RPGRIP1: variants seen among roughly 807,000 people sequenced by gnomAD.
RPGRIP1 encodes X-linked retinitis pigmentosa GTPase regulator-interacting protein 1.
Under a neutral mutation model 157.9 loss-of-function variants are expected in RPGRIP1, and 128 were observed. The ratio of observed to expected loss-of-function variants is 0.81; its 90% CI spans 0.70 to 0.94. RPGRIP1 has a LOEUF of 0.94. RPGRIP1 is among the 40% of genes least tolerant of loss of function. The pLI, the probability that RPGRIP1 is intolerant of heterozygous loss-of-function variation, is 0.00. For synonymous variants in RPGRIP1, 554 were observed against 571.6 expected (o/e 0.97, Z 0.44); for missense variants, 1,486 against 1,545.8 (o/e 0.96, Z 0.65).
At position 21,302,578 on chromosome 14, in the gene RPGRIP1, G is replaced by C; in HGVS notation, c.581G>C (p.Ser194Thr). 1 of 1,554,966 alleles carries C rather than the reference G, an allele frequency of 6.4e-7. No individual in the cohort carries two copies. The highest frequency in any genetic ancestry group is 1.2e-5 in the South Asian group (1 of 83,120). The part of the protein sequence containing the change: ...ENRGEVASKP[S>T]ELVSGSNSII... ...AGAGGTGAAGTAGCCAGTAAACCCA[G>C]TGAACTGTGAGTTCTTCTCATTTAT... The change falls in exon 5 of 25, where the codon AGT becomes ACT. Residue 194 changes from serine (S) to threonine (T), a missense_variant. Coordinates refer to ENST00000400017, the MANE Select transcript of RPGRIP1 (RefSeq NM_020366.4).
chr14:21,300,860 T>A (rs2139156179), intron 3 of RPGRIP1, 106 bp from the exon 4 acceptor site: 1 of 1,294,704 alleles, frequency 7.7e-7, no homozygotes, highest in East Asian at 2.3e-5. Flanking sequence ...TAGATCACGG[T>A]AGATGAATAC....
intron 7 of RPGRIP1, among the ~76,000 whole-genome samples, chr14:21,308,442 G>GA (rs1276567017): frequency 6.6e-5 from 7 of 105,904 alleles, no homozygotes; most frequent in Non-Finnish European, 1.0e-4. Context: ...GGGTAAGTAA[G>GA]AAAAAACTGC....
rs1218341055 is a variant in RPGRIP1, at chr14:21,301,278, G to T, written c.490+41G>T. The T allele has an allele frequency of 1.9e-6, 3 of 1,548,240 alleles. No homozygotes were observed. The East Asian group carries it at 7.3e-5, about 38-fold the overall frequency. ...ACATCCCCTACAGGGCTAAGACACT[G>T]GGAAGGACTGATGTGCCAGCCACGT... On this transcript the variant is annotated intron_variant, in intron 4 of 24. Coordinates refer to ENST00000400017, the MANE Select transcript of RPGRIP1 (RefSeq NM_020366.4).
At chr14:21,308,878 A>T (rs982123383) in intron 7 of RPGRIP1, among the ~76,000 whole-genome samples, 4 of 152,086 alleles carry the variant, frequency 2.6e-5, no homozygotes, top group Non-Finnish European at 5.9e-5. Flanking sequence ...TGTGGAAAAA[A>T]CTGGCCCTCC....
At chr14:21,298,456 C>T (rs944081420) in intron 3 of RPGRIP1, among the ~76,000 whole-genome samples, 5 of 151,648 alleles carry the variant, frequency 3.3e-5, no homozygotes, top group East Asian at 2.0e-4. Context: ...GCAAGGATTG[C>T]GCCACTGCAC....
rs1883024842 is a variant in RPGRIP1, at chr14:21,325,823, C to G, written c.2368-8C>G. The G allele has an allele frequency of 6.2e-7, 1 of 1,602,338 alleles. No homozygotes were observed. On this transcript the variant is annotated splice_polypyrimidine_tract_variant and splice_region_variant and intron_variant, in intron 16 of 24. Transcript: ENST00000400017. ...CTTTTCCTCAATCCATGACCAACAT[C>G]TTTCCAGTTCAGATCGGAGTCTTGG...
intron 5 of RPGRIP1, 101 bp from the exon 6 acceptor site, chr14:21,303,230 T>G (rs1881115564): frequency 2.6e-6 from 2 of 771,482 alleles, no homozygotes. Flanking sequence ...TTCCTCGACA[T>G]GTACCAAGGT....
intron 22 of RPGRIP1, 82 bp from the exon 23 acceptor site, chr14:21,345,031 A>G (rs1885422340): frequency 1.1e-6 from 1 of 879,764 alleles, no homozygotes; most frequent in South Asian, 1.4e-5. Context: ...GAAAACTACC[A>G]TGAATACCAC....
At chr14:21,325,469 G>A (rs752131638) in intron 16 of RPGRIP1, 86 bp downstream of exon 16, 2 of 1,258,332 alleles carry the variant, frequency 1.6e-6, no homozygotes, top group Non-Finnish European at 2.2e-6. Context: ...CTCTCAATAA[G>A]TGTTTGTTGA....
intron 19 of RPGRIP1, among the ~76,000 whole-genome samples, chr14:21,329,479 A>G (rs948860924): frequency 6.6e-6 from 1 of 151,274 alleles, no homozygotes; most frequent in Admixed American, 6.6e-5. Flanking sequence ...TTTTAATACT[A>G]TATATATTTT....
intron 22 of RPGRIP1, among the ~76,000 whole-genome samples, chr14:21,343,582 C>T (rs777174097): frequency 5.3e-5 from 8 of 152,108 alleles, no homozygotes; most frequent in Admixed American, 2.6e-4. Context: ...CCTCTGACTC[C>T]GAGATTCAAG....
At position 21,328,492 on chromosome 14, in the gene RPGRIP1, T is replaced by TG; in HGVS notation, c.2969dup (p.Glu991ArgfsTer28). The stretch of plus-strand genomic sequence containing the variant: ...ATCGATCTAAGAGAAAACCTCCTCA[T>TG]GGGGGAGAAAGAAAGGAGAAGGAGC... On this transcript the variant is annotated frameshift_variant, in exon 19 of 25. Transcript: ENST00000400017. LOFTEE classifies it high-confidence loss of function. 4 of 1,613,472 alleles carry TG rather than the reference T, an allele frequency of 2.5e-6. No homozygotes were observed. The highest frequency in any genetic ancestry group is 3.4e-6 in the Non-Finnish European group (4 of 1,179,720).
At chr14:21,317,469 G>A in intron 10 of RPGRIP1, 1 of 1,094,766 alleles carries the variant, frequency 9.1e-7, no homozygotes, top group South Asian at 1.7e-5. Flanking sequence ...TGTTTGCTCA[G>A]TCAGATATCT....
chr14:21,306,797 A>G (rs1881331222), intron 6 of RPGRIP1, among the ~76,000 whole-genome samples: 1 of 149,318 alleles, frequency 6.7e-6, no homozygotes, highest in Admixed American at 6.8e-5. Flanking sequence ...ATTTTTTGAG[A>G]CAGTCTCACT....
At chr14:21,328,392 C>A in intron 18 of RPGRIP1, 32 bp from the exon 19 acceptor site, 2 of 1,525,390 alleles carry the variant, frequency 1.3e-6, no homozygotes, top group Non-Finnish European at 1.8e-6. Flanking sequence ...AAACTACCAG[C>A]TTGTAATGCT....
chr14:21,334,469 T>A, intron 20 of RPGRIP1, 136 bp from the exon 21 acceptor site: 1 of 684,436 alleles, frequency 1.5e-6, no homozygotes, highest in South Asian at 1.6e-5. Context: ...GAGGGTTTGA[T>A]TCTTAGTAAG....
intron 18 of RPGRIP1, 48 bp from the exon 19 acceptor site, chr14:21,328,376 G>A (rs1883338276): frequency 7.2e-7 from 1 of 1,392,756 alleles, no homozygotes; most frequent in Admixed American, 2.0e-5. Flanking sequence ...GTGTTTCTAG[G>A]TTGTTAAACT....
chr14:21,301,351 T>C, intron 4 of RPGRIP1, 114 bp downstream of exon 4: 3 of 1,108,468 alleles, frequency 2.7e-6, no homozygotes, highest in Non-Finnish European at 2.6e-6. Flanking sequence ...GTTCTTTTGT[T>C]CTCACTCCCT....
intron 3 of RPGRIP1, among the ~76,000 whole-genome samples, chr14:21,295,424 T>C (rs1055221773): frequency 4.6e-5 from 7 of 152,026 alleles, no homozygotes; most frequent in African/African-American, 1.7e-4. Flanking sequence ...CCTGCAGGCA[T>C]GTTGTAAGTG....
Sources: gnomAD v4.1 joint callset for allele counts (sites outside exome capture counted in the v4.1 genomes callset) on GRCh38, gnomAD v4.1.1 for gene constraint, MANE v1.5 for transcripts, NCBI Gene and HGNC (gene_info 2026-07-23, HGNC 2026-07-21) for gene names.